The following NRG1 variants were observed in gnomAD, a reference collection of about 807,000 sequenced individuals.
The protein encoded by NRG1 is neuregulin 1.
Under a neutral mutation model 63.8 loss-of-function variants are expected in NRG1, and 18 were observed. The observed-to-expected ratio is 0.28, with a 90% CI of 0.19 to 0.42. NRG1 has a LOEUF of 0.42. Among genes scored for constraint, NRG1 ranks in the 10% least tolerant of loss-of-function variants. NRG1 has a pLI of 1.00. For missense variants in NRG1, 762 were observed against 814.7 expected (o/e 0.94, Z 0.79); for synonymous variants, 302 against 301.3 (o/e 1.00, Z -0.02).
intron 1 of NRG1, among the ~76,000 whole-genome samples, chr8:32,149,999 A>T (rs1027887995): frequency 5.9e-5 from 9 of 152,222 alleles, no homozygotes; most frequent in Non-Finnish European, 8.8e-5. Flanking sequence ...AGAATTTTTT[A>T]AAAATCATCC....
intron 1 of NRG1, among the ~76,000 whole-genome samples, chr8:32,169,417 A>T (rs1839764421): frequency 6.6e-6 from 1 of 152,228 alleles, no homozygotes; most frequent in South Asian, 2.1e-4. Context: ...CGGAGTAGGG[A>T]CAAAACTATT....
intron 1 of NRG1, among the ~76,000 whole-genome samples, chr8:32,223,439 G>T (rs1052593498): frequency 1.3e-5 from 2 of 152,132 alleles, no homozygotes; most frequent in African/African-American, 4.8e-5. Context: ...TATTCAATGG[G>T]AGGATATAAT....
intron 1 of NRG1, among the ~76,000 whole-genome samples, chr8:31,946,633 C>G (rs997048310): frequency 6.6e-6 from 1 of 152,110 alleles, no homozygotes; most frequent in Non-Finnish European, 1.5e-5. Flanking sequence ...TACACCAACC[C>G]TGAATGGCAC....
chr8:31,754,654 C>T (rs527577615), intron 1 of NRG1, among the ~76,000 whole-genome samples: 1 of 152,130 alleles, frequency 6.6e-6, no homozygotes, highest in Admixed American at 6.6e-5. Flanking sequence ...CACTTCTAAT[C>T]CCTGGAAAGA....
At chr8:31,954,648 A>G (rs1563612703) in intron 1 of NRG1, among the ~76,000 whole-genome samples, 1 of 152,192 alleles carries the variant, frequency 6.6e-6, no homozygotes, top group Non-Finnish European at 1.5e-5. Context: ...CAGAATCTAT[A>G]TCTCTTAACC....
At chr8:31,719,261 C>T (rs1812668713) in intron 1 of NRG1, among the ~76,000 whole-genome samples, 2 of 152,066 alleles carry the variant, frequency 1.3e-5, no homozygotes, top group Admixed American at 1.3e-4. Context: ...ATGTTAGATC[C>T]TTTCCTATCA....
At chr8:31,757,399 C>T (rs1348276721) in intron 1 of NRG1, among the ~76,000 whole-genome samples, 1 of 152,226 alleles carries the variant, frequency 6.6e-6, no homozygotes, top group Admixed American at 6.5e-5. Flanking sequence ...TAGAATTTGT[C>T]ACATTGGCTA....
intron 5 of NRG1, among the ~76,000 whole-genome samples, chr8:32,638,695 C>T (rs1409347953): frequency 6.6e-6 from 1 of 152,136 alleles, no homozygotes; most frequent in African/African-American, 2.4e-5. Context: ...ATGGTAGAAA[C>T]ATTTGAGCTG....
At chr8:32,176,791 C>A (rs1286792363) in intron 1 of NRG1, among the ~76,000 whole-genome samples, 2 of 152,088 alleles carry the variant, frequency 1.3e-5, no homozygotes, top group Non-Finnish European at 2.9e-5. Flanking sequence ...CCATCTCACA[C>A]CAGTTAGAAT....
At chr8:32,562,436 A>T (rs2129527184) in intron 1 of NRG1, among the ~76,000 whole-genome samples, 1 of 151,874 alleles carries the variant, frequency 6.6e-6, no homozygotes, top group South Asian at 2.1e-4. Flanking sequence ...TTTTGTAGAG[A>T]TGGGGTCTTG....
rs139077387 is a variant in NRG1, at chr8:31,660,027, A to T, written c.37+20596A>T. 1.3e-3 allele frequency among the ~76,000 whole-genome samples: 193 copies of T among 152,308 alleles called. 5 individuals are homozygous for T. Among genetic ancestry groups the T allele is most frequent in the African/African-American group, 4.3e-4 (18 of 41,572 alleles). ...AGAGGGGTTACGGAATTTGCCCAAGACACACAGCTGAGTGGTGAAGCTGGA... is the reference window on the plus strand; with the variant it reads ...AGAGGGGTTACGGAATTTGCCCAAGTCACACAGCTGAGTGGTGAAGCTGGA... On this transcript the variant is annotated intron_variant, in intron 1 of 10. Transcript: ENST00000519301.
intron 1 of NRG1, among the ~76,000 whole-genome samples, chr8:31,749,733 TATG>T (rs1816255227): frequency 1.4e-5 from 1 of 72,146 alleles, no homozygotes; most frequent in Admixed American, 1.6e-4. Flanking sequence ...AGGTGATATA[TATG>T]ATATATATAT....
chr8:32,600,670 A>G (rs550205850), intron 2 of NRG1, among the ~76,000 whole-genome samples: 1 of 152,312 alleles, frequency 6.6e-6, no homozygotes, highest in South Asian at 2.1e-4. Context: ...AAAGTAATGC[A>G]TGCTTATTAT....
At chr8:32,461,207 T>C (rs1436237481) in intron 1 of NRG1, among the ~76,000 whole-genome samples, 1 of 152,142 alleles carries the variant, frequency 6.6e-6, no homozygotes, top group Non-Finnish European at 1.5e-5. Context: ...AAATCCTTTT[T>C]AAAAAAGTTT....
At chr8:32,326,307 CTTTTTTTTT>C (rs745434807) in intron 1 of NRG1, among the ~76,000 whole-genome samples, 2 of 101,412 alleles carry the variant, frequency 2.0e-5, no homozygotes. Context: ...TGTGCCCAGG[CTTTTTTTTT>C]TTTTTTTTTT....
chr8:32,630,242 A>G (rs1850030060), intron 5 of NRG1, among the ~76,000 whole-genome samples: 1 of 152,180 alleles, frequency 6.6e-6, no homozygotes. Flanking sequence ...CTTTTTCCCT[A>G]ATGAGATGAC....
At chr8:31,858,730 G>C (rs1010654239) in intron 1 of NRG1, among the ~76,000 whole-genome samples, 1 of 152,202 alleles carries the variant, frequency 6.6e-6, no homozygotes, top group Non-Finnish European at 1.5e-5. Flanking sequence ...GTGCGATGTA[G>C]TGAAAACTGC....
Position 31,961,688 on chromosome 8 carries a change from C to A in NRG1, c.37+322257C>A, listed in dbSNP as rs562055807. The stretch of plus-strand genomic sequence containing the variant: ...AAATCTGTATGCCTCCCTCCAACTT[C>A]TTTTCCAACTGAGATTGGAGTATGG... On this transcript the variant is annotated intron_variant, in intron 1 of 10. Transcript: ENST00000519301. 3.9e-5 allele frequency among the ~76,000 whole-genome samples: 6 copies of A among 152,182 alleles called. No homozygotes were observed. In the East Asian group the frequency reaches 1.2e-3, roughly 29 times the overall value.
chr8:32,117,609 CAG>C (rs1179453435), intron 1 of NRG1, among the ~76,000 whole-genome samples: 3 of 151,932 alleles, frequency 2.0e-5, no homozygotes, highest in African/African-American at 7.2e-5. Flanking sequence ...ATGATTAACT[CAG>C]AAAGTTATAG....
Sources: gnomAD v4.1 joint callset for allele counts (sites outside exome capture counted in the v4.1 genomes callset) on GRCh38, gnomAD v4.1.1 for gene constraint, MANE v1.5 for transcripts, NCBI Gene and HGNC (gene_info 2026-07-23, HGNC 2026-07-21) for gene names.